The following MYO9A variants were observed in gnomAD, a reference collection of about 807,000 sequenced individuals.
MYO9A encodes the protein unconventional myosin-IXa.
MYO9A carries 103 observed loss-of-function variants against 293.3 expected under a neutral mutation model. The observed-to-expected ratio is 0.35, with a 90% CI of 0.30 to 0.41. The LOEUF (loss-of-function observed/expected upper bound fraction) is 0.41, where lower values mean the gene tolerates loss of function less well. Among genes scored for constraint, MYO9A ranks in the 10% least tolerant of loss-of-function variants. The probability of loss-of-function intolerance (pLI) is 1.00; values close to 1 mark genes in which losing one functional copy is unlikely to be tolerated. For synonymous variants in MYO9A, 1,001 were observed against 1,035.7 expected (o/e 0.97, Z 0.64); for missense variants, 2,685 against 3,033.0 (o/e 0.89, Z 2.69).
intron 1 of MYO9A, among the ~76,000 whole-genome samples, chr15:72,082,830 G>A (rs1374762849): frequency 1.3e-5 from 2 of 150,416 alleles, no homozygotes; most frequent in African/African-American, 2.5e-5. Flanking sequence ...CACATTTACT[G>A]ATTTGCATAT....
At chr15:71,883,866 G>GT in intron 27 of MYO9A, 130 bp from the exon 28 acceptor site, 1 of 813,122 alleles carries the variant, frequency 1.2e-6, no homozygotes, top group South Asian at 3.2e-5. Context: ...TAAATTAAGT[G>GT]TATTTATCTT....
chr15:72,081,832 T>C (rs2079555333), intron 1 of MYO9A, among the ~76,000 whole-genome samples: 1 of 152,208 alleles, frequency 6.6e-6, no homozygotes, highest in Admixed American at 6.5e-5. Flanking sequence ...GTCAGCTTTG[T>C]TGAAGGTCAG....
intron 1 of MYO9A, among the ~76,000 whole-genome samples, chr15:72,101,967 C>T (rs2080360975): frequency 6.6e-6 from 1 of 151,928 alleles, no homozygotes; most frequent in African/African-American, 2.4e-5. Flanking sequence ...TCTGCCCGGC[C>T]ACCACCCCGT....
At position 71,852,277 on chromosome 15, in the gene MYO9A, G is replaced by T; in HGVS notation, c.6347-17C>A. On this transcript the variant is annotated splice_polypyrimidine_tract_variant and intron_variant, in intron 35 of 41. Transcript: ENST00000356056. ...TCTCAGCATCTATTTAGAGACAAGA[G>T]TTAGATTAACAGAGCCAAAACATGC... The T allele has an allele frequency of 6.4e-7, 1 of 1,573,518 alleles. No homozygotes were observed. Among genetic ancestry groups the T allele is most frequent in the Non-Finnish European group, 8.7e-7 (1 of 1,152,356 alleles).
chr15:71,981,306 G>A (rs190353144), intron 11 of MYO9A, among the ~76,000 whole-genome samples: 77 of 152,294 alleles, frequency 5.1e-4, no homozygotes, highest in Non-Finnish European at 8.7e-4. Flanking sequence ...AAAATGTACT[G>A]AGAATTGTCC....
intron 7 of MYO9A, among the ~76,000 whole-genome samples, chr15:72,008,739 T>C (rs1428307280): frequency 6.6e-6 from 1 of 152,166 alleles, no homozygotes; most frequent in Non-Finnish European, 1.5e-5. Flanking sequence ...GTTATTGACT[T>C]ATCTGACATC....
intron 12 of MYO9A, among the ~76,000 whole-genome samples, chr15:71,973,267 A>G (rs567745677): frequency 3.3e-5 from 5 of 152,188 alleles, no homozygotes; most frequent in Non-Finnish European, 5.9e-5. Flanking sequence ...CCAATAATTC[A>G]TGCCTCCAGA....
At chr15:71,893,435 A>T in intron 26 of MYO9A, 1 of 528,988 alleles carries the variant, frequency 1.9e-6, no homozygotes, top group Non-Finnish European at 3.3e-6. Flanking sequence ...TCACTGCCAT[A>T]GTAAGTCAAC....
intron 1 of MYO9A, among the ~76,000 whole-genome samples, chr15:72,086,294 T>G (rs531753051): frequency 6.6e-6 from 1 of 152,250 alleles, no homozygotes; most frequent in South Asian, 2.1e-4. Context: ...AGCCGGGTAG[T>G]GCTGGTAAGG....
intron 1 of MYO9A, among the ~76,000 whole-genome samples, chr15:72,111,916 T>C (rs2080794297): frequency 1.3e-5 from 2 of 152,080 alleles, no homozygotes; most frequent in Admixed American, 6.6e-5. Flanking sequence ...CTCCCAATTA[T>C]CCCCAATTGA....
At chr15:72,008,888 C>T (rs2148908703) in intron 7 of MYO9A, among the ~76,000 whole-genome samples, 1 of 152,122 alleles carries the variant, frequency 6.6e-6, no homozygotes, top group South Asian at 2.1e-4. Context: ...GAAAATTTAA[C>T]ACTATGTTTT....
chr15:71,882,276 G>A (rs891026319), intron 28 of MYO9A, among the ~76,000 whole-genome samples: 1 of 152,136 alleles, frequency 6.6e-6, no homozygotes, highest in Non-Finnish European at 1.5e-5. Flanking sequence ...TATCTCTGTT[G>A]AAGAAGTTGG....
At chr15:71,938,651 C>A in intron 16 of MYO9A, 1 of 405,792 alleles carries the variant, frequency 2.5e-6, no homozygotes, top group South Asian at 9.5e-5. Context: ...ATTGTAAAGC[C>A]ATTTTACCAG....
chr15:71,941,813 C>T (rs1596248699), intron 15 of MYO9A, among the ~76,000 whole-genome samples: 1 of 152,172 alleles, frequency 6.6e-6, no homozygotes, highest in African/African-American at 2.4e-5. Flanking sequence ...GGATGACAAT[C>T]TGAGTAATCA....
At chr15:71,834,736 A>C (rs1400809505) in intron 39 of MYO9A, among the ~76,000 whole-genome samples, 7 of 152,196 alleles carry the variant, frequency 4.6e-5, no homozygotes, top group Admixed American at 4.6e-4. Context: ...ACTGCACTGC[A>C]GCCTGGGTGA....
chr15:71,827,282 AACAGTCACT>A (rs1337564925), intron 41 of MYO9A, among the ~76,000 whole-genome samples: 2 of 152,186 alleles, frequency 1.3e-5, no homozygotes, highest in Non-Finnish European at 2.9e-5. Context: ...GGAGGCCTAG[AACAGTCACT>A]ATCATTTCAA....
intron 19 of MYO9A, among the ~76,000 whole-genome samples, chr15:71,914,043 G>C (rs1317539187): frequency 6.6e-6 from 1 of 152,062 alleles, no homozygotes; most frequent in Non-Finnish European, 1.5e-5. Flanking sequence ...TCAGTAGTCA[G>C]CCACAGAGAC....
At chr15:72,090,049 TA>T (rs1482489679) in intron 1 of MYO9A, among the ~76,000 whole-genome samples, 1 of 152,206 alleles carries the variant, frequency 6.6e-6, no homozygotes, top group East Asian at 1.9e-4. Context: ...TTATGTAAAA[TA>T]AAAGTGCAAG....
intron 19 of MYO9A, among the ~76,000 whole-genome samples, chr15:71,914,306 T>A (rs1470627464): frequency 6.6e-6 from 1 of 152,218 alleles, no homozygotes; most frequent in Non-Finnish European, 1.5e-5. Context: ...TACTAATATC[T>A]GAAAATATTT....
Sources: gnomAD v4.1 joint callset for allele counts (sites outside exome capture counted in the v4.1 genomes callset) on GRCh38, gnomAD v4.1.1 for gene constraint, MANE v1.5 for transcripts, NCBI Gene and HGNC (gene_info 2026-07-23, HGNC 2026-07-21) for gene names.